Variants in FAF2 observed in about 807,000 individuals in gnomAD.
FAF2 encodes FAS-associated factor 2.
FAF2 carries 9 observed loss-of-function variants against 62.3 expected under a neutral mutation model. The observed-to-expected ratio is 0.14, with a 90% confidence interval of 0.09 to 0.25. The LOEUF (loss-of-function observed/expected upper bound fraction) is 0.25, where lower values mean the gene tolerates loss of function less well. Ranked by LOEUF, FAF2 falls within the 10% of genes least tolerant of loss-of-function variation. FAF2 has a pLI of 1.00. For missense variants in FAF2, 368 were observed against 556.2 expected (o/e 0.66, Z 3.40); for synonymous variants, 202 against 198.0 (o/e 1.02, Z -0.17).
At chr5:176,472,254 C>G (rs559161432) in intron 1 of FAF2, among the ~76,000 whole-genome samples, 4 of 151,950 alleles carry the variant, frequency 2.6e-5, no homozygotes, top group Non-Finnish European at 4.4e-5. Flanking sequence ...TCAAGCGATT[C>G]TCCTGCCTCA....
At chr5:176,460,523 T>G (rs1030509352) in intron 1 of FAF2, among the ~76,000 whole-genome samples, 69 of 146,970 alleles carry the variant, frequency 4.7e-4, no homozygotes, top group Admixed American at 1.6e-3. Flanking sequence ...CGTGTGTGTG[T>G]GTGTGTGTGT....
In FAF2 at chr5:176,448,578, C is replaced by G; in HGVS notation, c.63+108C>G. ...TGGGTTCAGATCCTTCTCAGACCAG[C>G]AGGCCGGCCCCCTCCCCCCCAGACT... On this transcript the variant is annotated intron_variant, in intron 1 of 10. Transcript: ENST00000261942. 1.8e-6 allele frequency: 2 copies of G among 1,123,952 alleles called. 1 individual carries two copies. The highest frequency in any genetic ancestry group is 2.5e-6 in the Non-Finnish European group (2 of 793,804). 69.6% of individuals were successfully genotyped at this position (1,123,952 alleles called of 1,614,324 possible).
intron 4 of FAF2, among the ~76,000 whole-genome samples, chr5:176,491,692 G>A (rs1275195103): frequency 6.6e-6 from 1 of 152,182 alleles, no homozygotes; most frequent in East Asian, 1.9e-4. Flanking sequence ...CCGCTGTTCA[G>A]TATGAAAGCC....
rs895438518 is a variant in FAF2, at chr5:176,492,412, A to G, written c.483+80A>G. The G allele has an allele frequency of 1.9e-5, 27 of 1,428,122 alleles. No homozygotes were observed. The African/African-American group carries it at 3.3e-4, about 18-fold the overall frequency. The allele number at this position is 1,428,122 out of a possible 1,614,324, so 88.5% of individuals were successfully genotyped here. ...AGGAGAGCACAGCCCAGCACTGATC[A>G]TGTCCTTCTTGTACTCAAAAACCTT... On this transcript the variant is annotated intron_variant, in intron 5 of 10. Coordinates refer to ENST00000261942, the MANE Select transcript of FAF2 (RefSeq NM_014613.3).
In FAF2 at chr5:176,508,588, G is replaced by A. The variant is rs1037949598; in HGVS notation, c.*1638G>A. ...CCACAGAAATTAACTTGGAGAGCCT[G>A]AGAAATTCCCAGTGGCCTTGGCATA... On this transcript the variant is annotated 3_prime_UTR_variant, in exon 11 of 11. Transcript: ENST00000261942. 3.3e-5 allele frequency: 5 copies of A among 152,202 alleles called. No individual in the cohort carries two copies. The highest frequency in any genetic ancestry group is 1.2e-4 in the African/African-American group (5 of 41,440). The allele number at this position is 152,202 out of a possible 1,614,324, so 9.4% of individuals were successfully genotyped here. A position where few individuals can be genotyped will look rare whatever the true frequency, so the allele number is the denominator to read the frequency against.
At chr5:176,502,892 A>G (rs1755619370) in intron 10 of FAF2, among the ~76,000 whole-genome samples, 1 of 151,500 alleles carries the variant, frequency 6.6e-6, no homozygotes. Flanking sequence ...TACTAAAAGT[A>G]CAAAAATTAG....
intron 10 of FAF2, among the ~76,000 whole-genome samples, chr5:176,504,429 C>CA (rs1268045391): frequency 6.6e-6 from 1 of 151,924 alleles, no homozygotes; most frequent in Non-Finnish European, 1.5e-5. Flanking sequence ...ACAAAAAACA[C>CA]AAAAATTAGC....
Position 176,496,139 on chromosome 5 carries a change from C to A in FAF2, c.662-347C>A, listed in dbSNP as rs145508217. 7.7e-3 allele frequency among the ~76,000 whole-genome samples: 1,167 copies of A among 152,206 alleles called. 18 individuals carry two copies. Among genetic ancestry groups the A allele is most frequent in the South Asian group, 0.045 (215 of 4,816 alleles). Reference sequence around the variant, plus strand: ...GAAAGCCTGTCCTATTCTAGTCAAGCACCTAGGGATAGGCATGCAAATTGA... The same window carrying A: ...GAAAGCCTGTCCTATTCTAGTCAAGAACCTAGGGATAGGCATGCAAATTGA... On this transcript the variant is annotated intron_variant, in intron 7 of 10. Coordinates refer to ENST00000261942, the MANE Select transcript of FAF2 (RefSeq NM_014613.3).
chr5:176,487,223 C>T lies in FAF2; in HGVS notation c.267+734C>T, dbSNP rs140724575. ...TGTTTGAGACAGGGTCTCACTCTGTCGCCCAGCCTGGAGTGCAGTGGCATG... is the reference window on the plus strand; with the variant it reads ...TGTTTGAGACAGGGTCTCACTCTGTTGCCCAGCCTGGAGTGCAGTGGCATG... On this transcript the variant is annotated intron_variant, in intron 3 of 10. Coordinates refer to ENST00000261942, the MANE Select transcript of FAF2 (RefSeq NM_014613.3). Among the ~76,000 whole-genome samples the T allele has an allele frequency of 6.5e-3, 986 of 152,240 alleles. 12 individuals are homozygous for T. The highest frequency in any genetic ancestry group is 0.023 in the African/African-American group (943 of 41,532).
rs145209520 is a variant in FAF2, at chr5:176,505,467, G to A, written c.1156-1301G>A. ...TGAGGTGCAACACATTTATTGTATTGTATTTTTTTGTCCATAGGTTATTGG... is the reference window on the plus strand; with the variant it reads ...TGAGGTGCAACACATTTATTGTATTATATTTTTTTGTCCATAGGTTATTGG... On this transcript the variant is annotated intron_variant, in intron 10 of 10. Transcript: ENST00000261942. Among the ~76,000 whole-genome samples the A allele has an allele frequency of 3.6e-3, 547 of 152,262 alleles. 3 individuals are homozygous for A. Among genetic ancestry groups the A allele is most frequent in the African/African-American group, 0.013 (532 of 41,560 alleles).
intron 1 of FAF2, among the ~76,000 whole-genome samples, chr5:176,451,536 C>T (rs1164919037): frequency 1.3e-5 from 2 of 151,234 alleles, no homozygotes; most frequent in Admixed American, 6.6e-5. Context: ...TCTTTTAAAC[C>T]TTTTAATATA....
In FAF2 at chr5:176,507,088, A is replaced by T. The variant is rs1755697311; in HGVS notation, c.*138A>T. The T allele has an allele frequency of 6.7e-6, 3 of 446,920 alleles. No homozygotes were observed. The highest frequency in any genetic ancestry group is 5.0e-5 in the Admixed American group (1 of 19,880). 27.7% of individuals were successfully genotyped at this position (446,920 alleles called of 1,614,324 possible). ...ATTATTATAATACAATATTTTTTTT[A>T]AAAGACTGCTGCATCCTTAGGAAGG... is the stretch of plus-strand genomic sequence containing the variant. On this transcript the variant is annotated 3_prime_UTR_variant, in exon 11 of 11. Coordinates refer to ENST00000261942, the MANE Select transcript of FAF2 (RefSeq NM_014613.3).
At chr5:176,479,023 C>T (rs1404668320) in intron 1 of FAF2, among the ~76,000 whole-genome samples, 165 bp from the exon 2 acceptor site, 2 of 152,188 alleles carry the variant, frequency 1.3e-5, no homozygotes, top group Admixed American at 1.3e-4. Context: ...GCATCTAGAA[C>T]AGTCAGCTGA....
intron 3 of FAF2, among the ~76,000 whole-genome samples, chr5:176,488,670 C>A (rs1164077673): frequency 6.6e-6 from 1 of 151,656 alleles, no homozygotes; most frequent in Non-Finnish European, 1.5e-5. Flanking sequence ...TGATCTGCCC[C>A]ACTCAGCCTC....
chr5:176,474,619 A>G lies in FAF2; in HGVS notation c.64-4569A>G, dbSNP rs137865376. 6.6e-5 allele frequency among the ~76,000 whole-genome samples: 10 copies of G among 152,294 alleles called. No homozygotes were observed. The East Asian group carries it at 1.7e-3, about 26-fold the overall frequency. On this transcript the variant is annotated intron_variant, in intron 1 of 10. Coordinates refer to ENST00000261942, the MANE Select transcript of FAF2 (RefSeq NM_014613.3). Reference sequence around the variant, plus strand: ...GTCTGTGGGTTTTTATCTGTCTCACAGTTTTTGCATATGTTGGCCTTCTGC... The same window carrying G: ...GTCTGTGGGTTTTTATCTGTCTCACGGTTTTTGCATATGTTGGCCTTCTGC...
At chr5:176,457,455 T>A (rs1381385494) in intron 1 of FAF2, among the ~76,000 whole-genome samples, 2 of 152,326 alleles carry the variant, frequency 1.3e-5, no homozygotes, top group African/African-American at 4.8e-5. Context: ...CCTCCCAAAG[T>A]GCTGTGATTA....
At chr5:176,499,663 C>T (rs1755559800) in intron 9 of FAF2, among the ~76,000 whole-genome samples, 4 of 151,298 alleles carry the variant, frequency 2.6e-5, no homozygotes, top group South Asian at 2.1e-4. Flanking sequence ...CCCAGGCTGG[C>T]GTGCAGTGGC....
intron 1 of FAF2, among the ~76,000 whole-genome samples, chr5:176,456,380 A>T (rs548702839): frequency 1.5e-4 from 23 of 152,224 alleles, no homozygotes; most frequent in African/African-American, 5.1e-4. Flanking sequence ...CCCAAAATAT[A>T]TTTTTAAAAC....
At chr5:176,474,844 G>A (rs1758659746) in intron 1 of FAF2, among the ~76,000 whole-genome samples, 1 of 152,148 alleles carries the variant, frequency 6.6e-6, no homozygotes, top group Non-Finnish European at 1.5e-5. Context: ...TTACTAGGAT[G>A]AAAATTTAAA....
Sources: gnomAD v4.1 joint callset for allele counts (sites outside exome capture counted in the v4.1 genomes callset) on GRCh38, gnomAD v4.1.1 for gene constraint, MANE v1.5 for transcripts, NCBI Gene and HGNC (gene_info 2026-07-23, HGNC 2026-07-21) for gene names.